The following DGUOK variants were observed in gnomAD, a reference collection of about 807,000 sequenced individuals.
DGUOK encodes the protein deoxyguanosine kinase, also known as deoxyguanosine kinase, mitochondrial.
In DGUOK, 30 loss-of-function variants were observed where a neutral mutation model predicts 36.6. The observed-to-expected ratio is 0.82, with a 90% CI of 0.61 to 1.11. The LOEUF (loss-of-function observed/expected upper bound fraction) is 1.11. Ranked by LOEUF, DGUOK falls within the 50% of genes most tolerant of loss-of-function variation. The pLI, the probability that DGUOK is intolerant of heterozygous loss-of-function variation, is 0.00. For synonymous variants in DGUOK, 145 were observed against 126.3 expected (o/e 1.15, Z -0.99); for missense variants, 361 against 336.4 (o/e 1.07, Z -0.57).
intron 1 of DGUOK, chr2:73,932,664 CCT>C (rs757594170): frequency 6.6e-5 from 85 of 1,289,982 alleles, no homozygotes; most frequent in Non-Finnish European, 8.4e-5. Context: ...AAGGTGAACC[CCT>C]GTCCTGACCA....
Position 73,927,032 on chromosome 2 carries a change from T to A in DGUOK, c.122T>A (p.Leu41His). Residue 41 changes from leucine to histidine, a missense_variant, in exon 1 of 7, where the codon CTC (leucine) becomes CAC (histidine). Coordinates refer to ENST00000264093, the MANE Select transcript of DGUOK (RefSeq NM_080916.3). Reference sequence around the variant, plus strand: ...CACGCGGGGCGCGGGCCCCGAAGGCTCTCCATCGAAGGCAACATTGGTAAG... The same window carrying A: ...CACGCGGGGCGCGGGCCCCGAAGGCACTCCATCGAAGGCAACATTGGTAAG... ...GLHAGRGPRRLSIEGNIAVGK... is the reference protein window; with the variant it reads ...GLHAGRGPRRHSIEGNIAVGK... 1.9e-6 allele frequency: 3 copies of A among 1,609,990 alleles called. No homozygotes were observed. The highest frequency in any genetic ancestry group is 2.5e-6 in the Non-Finnish European group (3 of 1,179,988).
intron 1 of DGUOK, among the ~76,000 whole-genome samples, chr2:73,933,015 T>C (rs1401413500): frequency 6.6e-6 from 1 of 150,870 alleles, no homozygotes; most frequent in East Asian, 1.9e-4. Flanking sequence ...CAGTGAGTCA[T>C]CTCAGCATTT....
chr2:73,957,638 T>C (rs139124125), intron 5 of DGUOK, among the ~76,000 whole-genome samples: 277 of 152,330 alleles, frequency 1.8e-3, no homozygotes, highest in Non-Finnish European at 3.1e-3. Context: ...CGCACCACTG[T>C]ACTCCAGCCT....
chr2:73,931,251 A>C (rs1173174180), intron 1 of DGUOK, among the ~76,000 whole-genome samples: 1 of 152,064 alleles, frequency 6.6e-6, no homozygotes, highest in Non-Finnish European at 1.5e-5. Context: ...GAAGAAACAC[A>C]TGCAGTTTTT....
chr2:73,940,294 G>A (rs1681807821), intron 2 of DGUOK, among the ~76,000 whole-genome samples: 1 of 152,168 alleles, frequency 6.6e-6, no homozygotes, highest in Non-Finnish European at 1.5e-5. Flanking sequence ...GTCCTAGTTT[G>A]TTCACTTTCC....
At chr2:73,955,646 G>A (rs998044389) in intron 4 of DGUOK, among the ~76,000 whole-genome samples, 24 of 152,182 alleles carry the variant, frequency 1.6e-4, no homozygotes, top group Admixed American at 1.4e-3. Flanking sequence ...AAGCCGAAGC[G>A]GGCAGATCAC....
chr2:73,958,480 T>G (rs751032877), intron 6 of DGUOK, among the ~76,000 whole-genome samples: 1 of 152,148 alleles, frequency 6.6e-6, no homozygotes, highest in Non-Finnish European at 1.5e-5. Flanking sequence ...CCAGCTGACT[T>G]TCTTCTCTAA....
intron 1 of DGUOK, among the ~76,000 whole-genome samples, chr2:73,930,619 T>G (rs1247819947): frequency 2.0e-5 from 3 of 152,126 alleles, no homozygotes; most frequent in Non-Finnish European, 4.4e-5. Context: ...CTTGTCAAAT[T>G]TCTCTGCTTC....
intron 2 of DGUOK, among the ~76,000 whole-genome samples, chr2:73,945,835 C>T (rs1682259198): frequency 6.6e-6 from 1 of 152,128 alleles, no homozygotes; most frequent in African/African-American, 2.4e-5. Flanking sequence ...CCAGCCTGGC[C>T]AACATGGTGA....
At chr2:73,951,986 T>C (rs893575051) in intron 4 of DGUOK, among the ~76,000 whole-genome samples, 1 of 152,120 alleles carries the variant, frequency 6.6e-6, no homozygotes, top group Non-Finnish European at 1.5e-5. Context: ...ATAGGCGATA[T>C]AGTGCGACTC....
rs1683179791 is a variant in DGUOK at position 73,957,241 on chromosome 2, G to A, written c.707+1G>A. On this transcript the variant is annotated splice_donor_variant, in intron 5 of 6. Coordinates refer to ENST00000264093, the MANE Select transcript of DGUOK (RefSeq NM_080916.3). LOFTEE classifies it high-confidence loss of function. The stretch of plus-strand genomic sequence containing the variant: ...CCTGGCTTATTCACAAGACAACGAA[G>A]TAAGTGGGGAGAAAAGAATGTATCA... 6.2e-7 allele frequency: 1 copy of A among 1,612,078 alleles called. No individual in the cohort carries two copies. Among genetic ancestry groups the A allele is most frequent in the South Asian group, 1.1e-5 (1 of 90,994 alleles).
rs1682630223 is a variant in DGUOK at position 73,950,522 on chromosome 2, T to C, written c.444-63T>C. 5.8e-6 allele frequency: 9 copies of C among 1,560,562 alleles called. No homozygotes were observed. The South Asian group carries it at 1.0e-4, about 17-fold the overall frequency. The stretch of plus-strand genomic sequence containing the variant: ...TGATTTTTCTGCTTCTCTCTCTCTC[T>C]CGTGCCTTTCATTCCATTTCCCATT... On this transcript the variant is annotated intron_variant, in intron 3 of 6. Transcript: ENST00000264093.
chr2:73,944,144 G>T (rs1462011222), intron 2 of DGUOK, among the ~76,000 whole-genome samples: 1 of 152,108 alleles, frequency 6.6e-6, no homozygotes, highest in Non-Finnish European at 1.5e-5. Context: ...TCAGCCACCA[G>T]AGTAGCTGGG....
At chr2:73,939,172 G>A in intron 2 of DGUOK, 150 bp downstream of exon 2, 2 of 675,770 alleles carry the variant, frequency 3.0e-6, no homozygotes, top group Non-Finnish European at 5.4e-6. Context: ...ATACACCAGA[G>A]AGGATATGAC....
chr2:73,946,639 G>A (rs1467274459), intron 2 of DGUOK, 80 bp from the exon 3 acceptor site: 13 of 1,253,816 alleles, frequency 1.0e-5, no homozygotes, highest in Admixed American at 1.7e-5. Context: ...TGGGGAGGTA[G>A]GGGTGTGTGT....
At chr2:73,950,467 G>C in intron 3 of DGUOK, 118 bp from the exon 4 acceptor site, 2 of 1,125,314 alleles carry the variant, frequency 1.8e-6, no homozygotes, top group South Asian at 2.6e-5. Context: ...AGGTTAAGTG[G>C]TTTGAACAGA....
At chr2:73,947,019 T>C (rs1377511966) in intron 3 of DGUOK, 113 bp downstream of exon 3, 6 of 962,978 alleles carry the variant, frequency 6.2e-6, no homozygotes, top group Middle Eastern at 3.1e-4. Context: ...TGAAAAATTA[T>C]CTTCTTTTTT....
At chr2:73,939,242 CCT>C (rs1681719605) in intron 2 of DGUOK, among the ~76,000 whole-genome samples, 1 of 152,118 alleles carries the variant, frequency 6.6e-6, no homozygotes, top group Non-Finnish European at 1.5e-5. Context: ...TAAGTGACTG[CCT>C]CTGTTGTTTG....
chr2:73,940,889 T>C (rs1411731281), intron 2 of DGUOK, among the ~76,000 whole-genome samples: 2 of 152,182 alleles, frequency 1.3e-5, no homozygotes, highest in African/African-American at 4.8e-5. Flanking sequence ...AGTGACAAAA[T>C]TGTCTAACGA....
Sources: gnomAD v4.1 joint callset for allele counts (sites outside exome capture counted in the v4.1 genomes callset) on GRCh38, gnomAD v4.1.1 for gene constraint, MANE v1.5 for transcripts, NCBI Gene and HGNC (gene_info 2026-07-23, HGNC 2026-07-21) for gene names.